COL13A1: variants seen among roughly 807,000 people sequenced by gnomAD.
COL13A1 encodes collagen type XIII alpha 1 chain.
Under a neutral mutation model 130.9 loss-of-function variants are expected in COL13A1, and 89 were observed. That is an observed-to-expected ratio of 0.68 (90% CI 0.57 to 0.81). The LOEUF is 0.81. Among genes scored for constraint, COL13A1 ranks in the 30% least tolerant of loss-of-function variants. The pLI, the probability that COL13A1 is intolerant of heterozygous loss-of-function variation, is 0.00. For synonymous variants in COL13A1, 402 were observed against 341.6 expected (o/e 1.18, Z -1.95); for missense variants, 879 against 934.6 (o/e 0.94, Z 0.78).
At chr10:69,883,905 C>T (rs2060369495) in intron 7 of COL13A1, among the ~76,000 whole-genome samples, 1 of 152,150 alleles carries the variant, frequency 6.6e-6, no homozygotes, top group Non-Finnish European at 1.5e-5. Flanking sequence ...AAGGCCTGGA[C>T]TGGAGCAGAA....
At chr10:69,880,383 G>C in intron 6 of COL13A1, 120 bp from the exon 7 acceptor site, 1 of 722,226 alleles carries the variant, frequency 1.4e-6, no homozygotes, top group Non-Finnish European at 2.6e-6. Context: ...TGTCCCATGG[G>C]GCCGGCCTCC....
At chr10:69,888,497 A>T (rs1227701176) in intron 9 of COL13A1, among the ~76,000 whole-genome samples, 167 bp downstream of exon 9, 1 of 152,000 alleles carries the variant, frequency 6.6e-6, no homozygotes, top group Non-Finnish European at 1.5e-5. Flanking sequence ...GTCACCCCTG[A>T]CCCCAGTGGC....
Position 69,957,010 on chromosome 10 carries a change from G to A in COL13A1, c.2152G>A (p.Asp718Asn), listed in dbSNP as rs532498330. Reference sequence around the variant, plus strand: ...CCTTCCTTTCTCCTTGCAGGGCGAAGATGGCTTACCAGTCCAAGGCTGCTG... The same window carrying A: ...CCTTCCTTTCTCCTTGCAGGGCGAAAATGGCTTACCAGTCCAAGGCTGCTG... The part of the protein sequence containing the change: ...GLDAPCPLGE[D>N]GLPVQGCWNK The change falls in exon 40 of 41, where the codon GAT (aspartate) becomes AAT (asparagine). Residue 718 changes from aspartate (D) to asparagine (N), a missense_variant. Asp to Asn is a conservative substitution (Grantham distance 23). Transcript: ENST00000645393. 2 of 1,613,820 alleles carry A rather than the reference G, an allele frequency of 1.2e-6. No homozygotes were observed. The highest frequency in any genetic ancestry group is 2.2e-5 in the South Asian group (2 of 91,084).
chr10:69,829,646 T>C (rs1848341417), intron 2 of COL13A1, among the ~76,000 whole-genome samples: 1 of 152,188 alleles, frequency 6.6e-6, no homozygotes. Context: ...AGGTTGACCA[T>C]CACCTTGGAG....
At chr10:69,836,346 G>A (rs886666569) in intron 2 of COL13A1, among the ~76,000 whole-genome samples, 13 of 152,342 alleles carry the variant, frequency 8.5e-5, no homozygotes, top group East Asian at 7.7e-4. Flanking sequence ...CGGGGCCAAG[G>A]CAGGGACACA....
intron 2 of COL13A1, among the ~76,000 whole-genome samples, chr10:69,830,931 C>T (rs373666867): frequency 7.9e-5 from 12 of 152,092 alleles, no homozygotes; most frequent in Non-Finnish European, 1.6e-4. Flanking sequence ...CCCAGGCAAG[C>T]GTTAATCTAC....
intron 9 of COL13A1, 117 bp from the exon 10 acceptor site, chr10:69,889,297 G>T: frequency 7.9e-7 from 1 of 1,269,226 alleles, no homozygotes; most frequent in East Asian, 2.6e-5. Flanking sequence ...ACAGGGGACA[G>T]GGAGGAGCAC....
intron 38 of COL13A1, among the ~76,000 whole-genome samples, chr10:69,949,432 C>T (rs2069043972): frequency 6.6e-6 from 1 of 152,194 alleles, no homozygotes; most frequent in South Asian, 2.1e-4. Context: ...ATCCTCCTGC[C>T]TCGGCTCCCA....
intron 2 of COL13A1, among the ~76,000 whole-genome samples, chr10:69,865,275 C>T (rs1447822877): frequency 1.3e-5 from 2 of 152,200 alleles, no homozygotes; most frequent in Non-Finnish European, 2.9e-5. Context: ...TGGGCACAGC[C>T]AAGTGGCCCA....
intron 2 of COL13A1, among the ~76,000 whole-genome samples, chr10:69,861,899 T>C (rs1045228931): frequency 1.1e-4 from 17 of 152,056 alleles, no homozygotes; most frequent in African/African-American, 3.9e-4. Context: ...GGTCTGGGGG[T>C]GTCTTGTGGC....
At chr10:69,841,722 C>T (rs775585372) in intron 2 of COL13A1, among the ~76,000 whole-genome samples, 2 of 152,170 alleles carry the variant, frequency 1.3e-5, no homozygotes, top group Non-Finnish European at 2.9e-5. Flanking sequence ...AAAAAATCCT[C>T]AAGCGTCCTT....
chr10:69,925,904 C>CATGAGGA, intron 26 of COL13A1, 32 bp downstream of exon 26: 10 of 1,532,446 alleles, frequency 6.5e-6, no homozygotes, highest in Non-Finnish European at 8.9e-6. Context: ...GGCCAAGATC[C>CATGAGGA]TCATGGATCT....
chr10:69,942,357 C>T (rs2136104243), intron 35 of COL13A1, among the ~76,000 whole-genome samples: 1 of 152,278 alleles, frequency 6.6e-6, no homozygotes, highest in African/African-American at 2.4e-5. Context: ...TGCTCCTTCG[C>T]CACAGTCCCT....
rs759728793 is a variant in COL13A1 at position 69,940,992 on chromosome 10, C to T, written c.1883C>T (p.Ala628Val). ...GDRGPLGLPGASGLDGRPGPP... is the reference protein window; with the variant it reads ...GDRGPLGLPGVSGLDGRPGPP... ...CAAACTGTGCCCTTCGTCCAGGGAG[C>T]TTCAGGTTTGGACGGCAGGCCTGGG... Residue 628 changes from alanine (A) to valine (V), a missense_variant, in exon 35 of 41, where the codon GCT becomes GTT. Around this residue, in one of 3 missense-constraint regions of COL13A1, gnomAD observed 96 missense variants for 147.7 expected, o/e 0.65. Transcript: ENST00000645393. 6.2e-7 allele frequency: 1 copy of T among 1,613,938 alleles called. No individual in the cohort carries two copies. Among genetic ancestry groups the T allele is most frequent in the South Asian group, 1.1e-5 (1 of 91,066 alleles).
At chr10:69,948,943 A>G (rs2068959608) in intron 38 of COL13A1, among the ~76,000 whole-genome samples, 1 of 152,182 alleles carries the variant, frequency 6.6e-6, no homozygotes, top group African/African-American at 2.4e-5. Flanking sequence ...CCGATGTTTG[A>G]CACACTTTCC....
intron 10 of COL13A1, 97 bp from the exon 11 acceptor site, chr10:69,894,441 GGCTGGTAGAGCCCA>G: frequency 7.6e-7 from 1 of 1,312,952 alleles, no homozygotes; most frequent in East Asian, 2.5e-5. Context: ...ACCTGGCCAT[GGCTGGTAGAGCCCA>G]GCCTTCGGGA....
rs1840180763 is a variant in COL13A1 at position 69,802,162 on chromosome 10, A to G, written c.-262A>G. ...AAGGAGAGCCGGTCAGATTCCCCTAACTTTCCTGGACTTGGAACGTTCTTC... is the reference window on the plus strand; with the variant it reads ...AAGGAGAGCCGGTCAGATTCCCCTAGCTTTCCTGGACTTGGAACGTTCTTC... On this transcript the variant is annotated 5_prime_UTR_variant, in exon 1 of 41. Coordinates refer to ENST00000645393, the MANE Select transcript of COL13A1 (RefSeq NM_001368882.1). 4.6e-6 allele frequency: 2 copies of G among 435,638 alleles called. No individual in the cohort carries two copies. Among genetic ancestry groups the G allele is most frequent in the Admixed American group, 9.0e-5 (2 of 22,232 alleles). 27.0% of individuals were successfully genotyped at this position (435,638 alleles called of 1,614,324 possible).
chr10:69,823,193 C>T (rs143891835), intron 2 of COL13A1, among the ~76,000 whole-genome samples: 91 of 152,290 alleles, frequency 6.0e-4, no homozygotes, highest in Admixed American at 3.1e-3. Flanking sequence ...TGCAGTGTGT[C>T]GGGTTCAAGT....
rs374953004 is a variant in COL13A1 at position 69,930,470 on chromosome 10, C to T, written c.1601C>T (p.Pro534Leu). The T allele has an allele frequency of 3.1e-6, 5 of 1,613,814 alleles. No individual in the cohort carries two copies. The highest frequency in any genetic ancestry group is 3.4e-6 in the Non-Finnish European group (4 of 1,179,816). Residue 534 changes from proline (P) to leucine (L), a missense_variant, in exon 30 of 41, where the codon CCA becomes CTA. Pro to Leu is a moderately conservative substitution (Grantham distance 98). Coordinates refer to ENST00000645393, the MANE Select transcript of COL13A1 (RefSeq NM_001368882.1). ...GGCCCCCCAGGAAAGGATGGACCTCCAGGAGTGAAGGGAGAAAACGGGCAC... is the reference window on the plus strand; with the variant it reads ...GGCCCCCCAGGAAAGGATGGACCTCTAGGAGTGAAGGGAGAAAACGGGCAC... ...PQGPPGKDGP[P>L]GVKGENGHPG...
Sources: allele counts gnomAD v4.1 joint callset (sites outside exome capture counted in the v4.1 genomes callset), GRCh38; gene constraint gnomAD v4.1.1; regional missense constraint gnomAD v4.1.1; transcripts MANE v1.5; gene names NCBI Gene and HGNC (gene_info 2026-07-23, HGNC 2026-07-21).